KIZ: variants seen among roughly 807,000 people sequenced by gnomAD.
KIZ encodes kizuna centrosomal protein.
KIZ carries 68 observed loss-of-function variants against 79.6 expected under a neutral mutation model. The ratio of observed to expected loss-of-function variants is 0.85; its 90% CI spans 0.70 to 1.05. The LOEUF is 1.05. Ranked by LOEUF, KIZ falls within the 50% of genes least tolerant of loss-of-function variation. KIZ has a pLI of 0.00. For synonymous variants in KIZ, 280 were observed against 281.8 expected, an observed-to-expected ratio of 0.99 and a Z score of 0.06; for missense variants, 797 against 800.4, an observed-to-expected ratio of 1.00 and a Z score of 0.05.
intron 4 of KIZ, among the ~76,000 whole-genome samples, chr20:21,150,103 A>G (rs984581220): frequency 2.0e-5 from 3 of 152,166 alleles, no homozygotes; most frequent in African/African-American, 7.2e-5. Context: ...TTCAAGGAGT[A>G]GGAAAGGGAG....
At chr20:21,190,139 ATT>A (rs2035051491) in intron 6 of KIZ, among the ~76,000 whole-genome samples, 1 of 152,092 alleles carries the variant, frequency 6.6e-6, no homozygotes, top group African/African-American at 2.4e-5. Flanking sequence ...CTTCCAGTTT[ATT>A]TTCCCAGGAC....
In KIZ at chr20:21,162,451, G is replaced by GT; in HGVS notation, c.987dup (p.Glu330Ter). 6.2e-7 allele frequency: 1 copy of GT among 1,612,774 alleles called. No individual in the cohort carries two copies. Among genetic ancestry groups the GT allele is most frequent in the Non-Finnish European group, 8.5e-7 (1 of 1,178,896 alleles). On this transcript the variant is annotated frameshift_variant, in exon 5 of 13. Transcript: ENST00000619189. LOFTEE classifies it high-confidence loss of function. ...TCTCCGATACCAGTTTCAGAATACT[G>GT]TGAATCTGAAAATAAGTGGTCTCAA...
chr20:21,209,349 G>A (rs189564163), intron 7 of KIZ, among the ~76,000 whole-genome samples: 1 of 152,288 alleles, frequency 6.6e-6, no homozygotes, highest in Admixed American at 6.5e-5. Flanking sequence ...AATACAAGAT[G>A]CCTTAATATT....
At chr20:21,187,607 G>C (rs2034935202) in intron 6 of KIZ, among the ~76,000 whole-genome samples, 1 of 152,134 alleles carries the variant, frequency 6.6e-6, no homozygotes, top group Admixed American at 6.5e-5. Context: ...AGCCCAGTCT[G>C]AGCCTCCTCG....
At chr20:21,132,276 T>C in intron 2 of KIZ, 117 bp downstream of exon 2, 1 of 584,450 alleles carries the variant, frequency 1.7e-6, no homozygotes, top group Non-Finnish European at 3.0e-6. Context: ...TGGTTTTGTT[T>C]TGTTTAGTTT....
intron 6 of KIZ, among the ~76,000 whole-genome samples, chr20:21,204,105 GTTTTTTTTT>G (rs71330816): frequency 1.3e-5 from 1 of 74,998 alleles, no homozygotes; most frequent in African/African-American, 5.5e-5. Flanking sequence ...AGTCATCTAT[GTTTTTTTTT>G]TTTTTTTTTT....
intron 3 of KIZ, chr20:21,138,926 CTTTTTTTTTT>C (rs35551816): frequency 2.1e-5 from 2 of 95,446 alleles, no homozygotes; most frequent in African/African-American, 4.2e-5. Context: ...CTTTCAACCT[CTTTTTTTTTT>C]TTTTTTTTTT....
At chr20:21,192,868 A>G (rs1380920798) in intron 6 of KIZ, among the ~76,000 whole-genome samples, 1 of 152,234 alleles carries the variant, frequency 6.6e-6, no homozygotes. Flanking sequence ...CCTGCAGAGT[A>G]GACAGTGGTT....
chr20:21,131,850 G>A (rs909982476), intron 1 of KIZ: 6 of 335,204 alleles, frequency 1.8e-5, no homozygotes, highest in Middle Eastern at 8.6e-4. Flanking sequence ...ATTGGTGTTC[G>A]TTTTGTTTTT....
At chr20:21,210,760 A>G (rs1600552132) in intron 7 of KIZ, among the ~76,000 whole-genome samples, 1 of 133,522 alleles carries the variant, frequency 7.5e-6, no homozygotes, top group Admixed American at 7.7e-5. Flanking sequence ...AGATACTATC[A>G]GCTTTTTTTT....
intron 10 of KIZ, among the ~76,000 whole-genome samples, chr20:21,231,583 C>T (rs969413771): frequency 6.6e-5 from 10 of 152,158 alleles, no homozygotes; most frequent in Non-Finnish European, 1.2e-4. Context: ...TGGAAGTGCT[C>T]CTGCCTATGT....
intron 1 of KIZ, among the ~76,000 whole-genome samples, chr20:21,127,137 C>G (rs377302840): frequency 6.6e-6 from 1 of 152,192 alleles, no homozygotes; most frequent in Non-Finnish European, 1.5e-5. Context: ...ATTTATCTTA[C>G]GCTAGATTTA....
chr20:21,171,530 G>A (rs12106191), intron 6 of KIZ, among the ~76,000 whole-genome samples: 2,148 of 152,154 alleles, frequency 0.014, 63 homozygotes, highest in African/African-American at 0.05. Flanking sequence ...CTGCAGCCTC[G>A]ACCTCCCCAA....
intron 9 of KIZ, among the ~76,000 whole-genome samples, chr20:21,221,505 T>C (rs2036499880): frequency 6.6e-6 from 1 of 152,172 alleles, no homozygotes; most frequent in Non-Finnish European, 1.5e-5. Flanking sequence ...AGCTTTTATC[T>C]CAAGAGGATT....
intron 9 of KIZ, among the ~76,000 whole-genome samples, chr20:21,227,419 T>C (rs757527878): frequency 6.6e-6 from 1 of 152,182 alleles, no homozygotes; most frequent in Non-Finnish European, 1.5e-5. Context: ...TTTCCATCTT[T>C]GCTATCTTTT....
chr20:21,188,684 A>ATTTTAT (rs199685061), intron 6 of KIZ, among the ~76,000 whole-genome samples: 4 of 146,822 alleles, frequency 2.7e-5, no homozygotes, highest in African/African-American at 1.0e-4. Flanking sequence ...TATTTTATTT[A>ATTTTAT]TTTATTTATT....
At position 21,161,935 on chromosome 20, in the gene KIZ, C is replaced by A; in HGVS notation, c.470C>A (p.Thr157Lys). 6.2e-7 allele frequency: 1 copy of A among 1,613,670 alleles called. No individual in the cohort carries two copies. Among genetic ancestry groups the A allele is most frequent in the Non-Finnish European group, 8.5e-7 (1 of 1,179,628 alleles). ...TCAAGAGGATTGTATCAACCAGCAA[C>A]AATCTTTATGGGCCGCCAAATGTCA... is the stretch of plus-strand genomic sequence containing the variant. ...AMSRGLYQPA[T>K]IFMGRQMSAI... Residue 157 changes from threonine to lysine, a missense_variant, in exon 5 of 13, where the codon ACA (threonine) becomes AAA (lysine). Thr to Lys is a moderately conservative substitution (Grantham distance 78). Coordinates refer to ENST00000619189, the MANE Select transcript of KIZ (RefSeq NM_018474.6).
chr20:21,158,669 TG>T (rs2033503128), intron 4 of KIZ: 2 of 152,348 alleles, frequency 1.3e-5, no homozygotes, highest in African/African-American at 4.8e-5. Context: ...TTGCTTTCTC[TG>T]GGGAGAACAG....
intron 4 of KIZ, among the ~76,000 whole-genome samples, chr20:21,156,399 G>T (rs1034885663): frequency 6.6e-6 from 1 of 152,066 alleles, no homozygotes; most frequent in Non-Finnish European, 1.5e-5. Context: ...AGTCTTAGAC[G>T]TAGGGTTATA....
Sources: gnomAD v4.1 joint callset for allele counts (sites outside exome capture counted in the v4.1 genomes callset) on GRCh38, gnomAD v4.1.1 for gene constraint, MANE v1.5 for transcripts, NCBI Gene and HGNC (gene_info 2026-07-23, HGNC 2026-07-21) for gene names.